Variants in TM7SF3 observed in about 807,000 individuals in gnomAD.
TM7SF3 encodes the protein seven span transmembrane protein.
A neutral mutation model predicts 65.5 loss-of-function variants in TM7SF3; 60 were observed. That is an observed-to-expected ratio of 0.92 (90% CI 0.74 to 1.14). The LOEUF (loss-of-function observed/expected upper bound fraction) is 1.14. TM7SF3 is among the 50% of genes most tolerant of loss of function. TM7SF3 has a pLI of 0.00. For missense variants in TM7SF3, 623 were observed against 684.8 expected (o/e 0.91, Z 1.01); for synonymous variants, 264 against 259.6 (o/e 1.02, Z -0.16).
At chr12:26,981,006 G>A (rs141457662) in intron 7 of TM7SF3, among the ~76,000 whole-genome samples, 1 of 152,096 alleles carries the variant, frequency 6.6e-6, no homozygotes, top group Non-Finnish European at 1.5e-5. Flanking sequence ...TATGTGATAC[G>A]AAATTACACA....
Position 26,974,206 on chromosome 12 carries a change from C to T in TM7SF3, c.1472G>A (p.Trp491Ter), listed in dbSNP as rs1215943285. The stretch of plus-strand genomic sequence containing the variant: ...AATTCCACTTACAGCCAGCATGCCC[C>T]ATACTGCCAGGATAATGAAGTCTAA... The part of the protein sequence containing the change: ...QTNDFIILAV[W>*]GMLAVSGITL... The change falls in exon 12 of 12, where the codon TGG becomes TAG. Residue 491 changes from tryptophan (W) to a stop codon, truncating the protein, a stop_gained. Coordinates refer to ENST00000343028, the MANE Select transcript of TM7SF3 (RefSeq NM_016551.3). LOFTEE classifies it high-confidence loss of function. 6.2e-7 allele frequency: 1 copy of T among 1,614,134 alleles called. No individual in the cohort carries two copies. The highest frequency in any genetic ancestry group is 8.5e-7 in the Non-Finnish European group (1 of 1,179,996).
At position 26,996,726 on chromosome 12, in the gene TM7SF3, T is replaced by C. The variant is rs374173340; in HGVS notation, c.518+16A>G. On this transcript the variant is annotated intron_variant, in intron 4 of 11. Transcript: ENST00000343028. ...ATATTCTAAAAGCATTTCTCAGACA[T>C]GGGAGACAGACGTACCTCGCATAGC... 2.1e-5 allele frequency: 34 copies of C among 1,602,754 alleles called. No individual in the cohort carries two copies. The highest frequency in any genetic ancestry group is 2.9e-5 in the Non-Finnish European group (34 of 1,176,580).
chr12:26,982,560 C>T (rs1043529428), intron 7 of TM7SF3, among the ~76,000 whole-genome samples: 1 of 152,074 alleles, frequency 6.6e-6, no homozygotes, highest in Non-Finnish European at 1.5e-5. Flanking sequence ...AATTGTATTC[C>T]CCTGTTAATA....
intron 5 of TM7SF3, among the ~76,000 whole-genome samples, chr12:26,991,254 G>A (rs994066436): frequency 8.2e-5 from 12 of 146,882 alleles, no homozygotes; most frequent in Non-Finnish European, 1.0e-4. Flanking sequence ...CCGGGTTCAC[G>A]CCATTCTCCT....
At position 27,013,743 on chromosome 12, in the gene TM7SF3, T is replaced by C. The variant is rs2291549; in HGVS notation, c.91+335A>G. Among the ~76,000 whole-genome samples, 320 of 152,250 alleles carry C rather than the reference T, an allele frequency of 2.1e-3. 5 individuals carry two copies. In the East Asian group the frequency reaches 0.027, roughly 13 times the overall value. On this transcript the variant is annotated intron_variant, in intron 1 of 11. Transcript: ENST00000343028. ...TCTTGCTGTCCAGAAGCTCAGACAG[T>C]CCACTGGGCAGCAAAGAGGCGCTTT... is the stretch of plus-strand genomic sequence containing the variant.
At chr12:26,986,631 G>T (rs1241961064) in intron 6 of TM7SF3, among the ~76,000 whole-genome samples, 1 of 152,120 alleles carries the variant, frequency 6.6e-6, no homozygotes, top group Admixed American at 6.6e-5. Flanking sequence ...TCTAGCAGAG[G>T]TAGAGAACCA....
At chr12:26,982,900 T>C (rs1939877982) in intron 6 of TM7SF3, 41 bp from the exon 7 acceptor site, 6 of 1,372,000 alleles carry the variant, frequency 4.4e-6, no homozygotes, top group Non-Finnish European at 6.0e-6. Flanking sequence ...ACATCCAATT[T>C]GATACTTTGT....
At chr12:26,981,540 C>T (rs957698071) in intron 7 of TM7SF3, among the ~76,000 whole-genome samples, 1 of 151,900 alleles carries the variant, frequency 6.6e-6, no homozygotes, top group Non-Finnish European at 1.5e-5. Flanking sequence ...CTAGTGATAA[C>T]TTTGAGACCA....
chr12:27,011,016 T>A (rs1017225938), intron 1 of TM7SF3, among the ~76,000 whole-genome samples: 22 of 152,224 alleles, frequency 1.4e-4, no homozygotes, highest in African/African-American at 5.1e-4. Flanking sequence ...AAATCCATCA[T>A]AGCCTAGTCT....
chr12:27,005,340 C>G (rs1239947022), intron 1 of TM7SF3, among the ~76,000 whole-genome samples: 1 of 152,112 alleles, frequency 6.6e-6, no homozygotes, highest in Non-Finnish European at 1.5e-5. Context: ...CCCTATTTGG[C>G]AATATTTATA....
At chr12:27,008,389 CCTT>C (rs1325475130) in intron 1 of TM7SF3, among the ~76,000 whole-genome samples, 7 of 152,068 alleles carry the variant, frequency 4.6e-5, no homozygotes, top group Admixed American at 2.0e-4. Context: ...ATGGAACTGT[CCTT>C]CTTCAATTTT....
At chr12:26,983,460 T>A in intron 6 of TM7SF3, 2 of 399,746 alleles carry the variant, frequency 5.0e-6, no homozygotes, top group South Asian at 3.6e-5. Flanking sequence ...GGTGGTTCTA[T>A]TTTTTAAGTG....
chr12:26,974,261 C>T lies in TM7SF3; in HGVS notation c.1451-34G>A, dbSNP rs200243124. On this transcript the variant is annotated intron_variant, in intron 11 of 11. Coordinates refer to ENST00000343028, the MANE Select transcript of TM7SF3 (RefSeq NM_016551.3). ...CAGTAGAAAAAGTACAGTTTGAACT[C>T]TAGTATTTTAAAATCTAACATAATA... 4.4e-6 allele frequency: 7 copies of T among 1,589,896 alleles called. No homozygotes were observed. In the Admixed American group the frequency reaches 1.1e-4, roughly 24 times the overall value.
At chr12:26,999,998 G>C (rs776097541) in intron 2 of TM7SF3, among the ~76,000 whole-genome samples, 2 of 152,206 alleles carry the variant, frequency 1.3e-5, no homozygotes, top group African/African-American at 4.8e-5. Flanking sequence ...TGCCAACACA[G>C]TCGGGTTCTG....
intron 7 of TM7SF3, among the ~76,000 whole-genome samples, chr12:26,981,686 TAACATAAGTTTA>T (rs1274025046): frequency 1.3e-5 from 2 of 152,248 alleles, no homozygotes; most frequent in East Asian, 3.8e-4. Context: ...TCAAACAATT[TAACATAAGTTTA>T]AAGAGCTTTA....
intron 6 of TM7SF3, 116 bp from the exon 7 acceptor site, chr12:26,982,975 C>T (rs1592277664): frequency 7.4e-6 from 5 of 676,926 alleles, no homozygotes; most frequent in Non-Finnish European, 1.2e-5. Flanking sequence ...TTATCCCATA[C>T]ATGTATATTA....
At chr12:27,012,340 G>A (rs958890950) in intron 1 of TM7SF3, among the ~76,000 whole-genome samples, 1 of 152,076 alleles carries the variant, frequency 6.6e-6, no homozygotes, top group Non-Finnish European at 1.5e-5. Context: ...GTGAATGTTA[G>A]TGCCCTATTA....
chr12:27,004,950 A>G (rs1430529607), intron 1 of TM7SF3, among the ~76,000 whole-genome samples: 2 of 152,224 alleles, frequency 1.3e-5, no homozygotes, highest in East Asian at 3.8e-4. Flanking sequence ...GGAATGGCCA[A>G]TAGAATCTGG....
At chr12:26,999,915 C>G (rs1259250299) in intron 2 of TM7SF3, 2 of 442,896 alleles carry the variant, frequency 4.5e-6, no homozygotes, top group East Asian at 3.7e-5. Context: ...TAACAAAGTA[C>G]CACAGGTAAG....
Sources: gnomAD v4.1 joint callset for allele counts (sites outside exome capture counted in the v4.1 genomes callset) on GRCh38, gnomAD v4.1.1 for gene constraint, MANE v1.5 for transcripts, NCBI Gene and HGNC (gene_info 2026-07-23, HGNC 2026-07-21) for gene names.